Variants in RIPOR3 observed in about 807,000 individuals in gnomAD.
RIPOR3 encodes RIPOR family member 3, also known as family with sequence similarity 65 member C.
Under a neutral mutation model 114.3 loss-of-function variants are expected in RIPOR3, and 95 were observed. The ratio of observed to expected loss-of-function variants is 0.83; its 90% CI spans 0.70 to 0.99. The LOEUF (loss-of-function observed/expected upper bound fraction) is 0.99, where lower values mean the gene tolerates loss of function less well. RIPOR3 is among the 50% of genes least tolerant of loss of function. RIPOR3 has a pLI of 0.00. For synonymous variants in RIPOR3, 575 were observed against 543.8 expected, an observed-to-expected ratio of 1.06 and a Z score of -0.80; for missense variants, 1,252 against 1,266.9, an observed-to-expected ratio of 0.99 and a Z score of 0.18.
intron 1 of RIPOR3, among the ~76,000 whole-genome samples, chr20:50,652,079 A>G (rs2085631095): frequency 6.6e-6 from 1 of 152,210 alleles, no homozygotes; most frequent in Non-Finnish European, 1.5e-5. Context: ...CTGAGGAAGC[A>G]TTTGCATTTA....
chr20:50,624,329 A>T (rs971196653), intron 2 of RIPOR3, among the ~76,000 whole-genome samples: 1 of 151,916 alleles, frequency 6.6e-6, no homozygotes, highest in Non-Finnish European at 1.5e-5. Context: ...GAGGTTAGGG[A>T]CCCCGGCAGG....
intron 2 of RIPOR3, among the ~76,000 whole-genome samples, chr20:50,623,788 G>A (rs2084514681): frequency 6.6e-6 from 1 of 152,062 alleles, no homozygotes; most frequent in Non-Finnish European, 1.5e-5. Flanking sequence ...GCTCGCTAAG[G>A]GCTTTATAGA....
At chr20:50,630,106 T>C (rs1329049092) in intron 2 of RIPOR3, among the ~76,000 whole-genome samples, 2 of 152,172 alleles carry the variant, frequency 1.3e-5, no homozygotes, top group Non-Finnish European at 2.9e-5. Context: ...TAGCTGGGAT[T>C]ACAGGCATGT....
At chr20:50,613,381 AG>A (rs1238723292) in intron 4 of RIPOR3, among the ~76,000 whole-genome samples, 1 of 152,132 alleles carries the variant, frequency 6.6e-6, no homozygotes, top group Non-Finnish European at 1.5e-5. Context: ...TGAACCTGGG[AG>A]GCAGAGTTTG....
rs558861294 is a variant in RIPOR3, at chr20:50,626,692, C to T, written c.122+4046G>A. 1.1e-4 allele frequency among the ~76,000 whole-genome samples: 16 copies of T among 152,270 alleles called. No homozygotes were observed. In the South Asian group the frequency reaches 1.7e-3, roughly 16 times the overall value. ...GTTGTGAAATTTGTGGGGTCTAGTG[C>T]GAAATAAAAATGCAAGGCTCTTTAT... is the stretch of plus-strand genomic sequence containing the variant. On this transcript the variant is annotated intron_variant, in intron 2 of 21. Transcript: ENST00000327979.
chr20:50,587,324 C>T lies in RIPOR3; in HGVS notation c.2761G>A (p.Gly921Arg). The change falls in exon 22 of 22, where the codon GGA (glycine) becomes AGA (arginine). Residue 921 changes from glycine to arginine, a missense_variant. Coordinates refer to ENST00000327979, the MANE Select transcript of RIPOR3 (RefSeq NM_001290268.2). Reference sequence around the variant, plus strand: ...TCCATCTTCTCAAAAGCTAACCGTCCTTTTTCACCTGAAATAGCAAAGGGA... The same window carrying T: ...TCCATCTTCTCAAAAGCTAACCGTCTTTTTTCACCTGAAATAGCAAAGGGA... ...RETTLSFGEK[G>R]RLAFEKMDKL... 1 of 1,613,940 alleles carries T rather than the reference C, an allele frequency of 6.2e-7. No individual in the cohort carries two copies. The highest frequency in any genetic ancestry group is 8.5e-7 in the Non-Finnish European group (1 of 1,179,962).
chr20:50,609,744 G>C, intron 6 of RIPOR3, 22 bp from the exon 7 acceptor site: 1 of 1,358,858 alleles, frequency 7.4e-7, no homozygotes, highest in Non-Finnish European at 9.5e-7. Flanking sequence ...ACACGGGCTG[G>C]TGGCGCTGCC....
intron 1 of RIPOR3, among the ~76,000 whole-genome samples, chr20:50,688,127 T>TA (rs1324403507): frequency 2.0e-5 from 3 of 152,180 alleles, no homozygotes; most frequent in South Asian, 4.1e-4. Flanking sequence ...TTTTCCTTTC[T>TA]AAAAAATTTC....
intron 1 of RIPOR3, among the ~76,000 whole-genome samples, chr20:50,667,137 G>A (rs1324738993): frequency 6.6e-6 from 1 of 152,068 alleles, no homozygotes; most frequent in African/African-American, 2.4e-5. Flanking sequence ...ACCTTGGGAA[G>A]GGAACATTAA....
intron 1 of RIPOR3, among the ~76,000 whole-genome samples, chr20:50,674,519 C>A (rs2086624974): frequency 1.3e-5 from 2 of 150,626 alleles, no homozygotes; most frequent in Non-Finnish European, 3.0e-5. Flanking sequence ...CAGTGTTCCC[C>A]CAAAATTCAT....
At chr20:50,595,580 A>C (rs1248371378) in intron 15 of RIPOR3, 76 bp from the exon 16 acceptor site, 1 of 1,570,100 alleles carries the variant, frequency 6.4e-7, no homozygotes, top group East Asian at 2.3e-5. Flanking sequence ...TGTGGCTCCC[A>C]CCTGCTTGTG....
Position 50,691,301 on chromosome 20 carries a change from G to A in RIPOR3, c.-173C>T. 1 of 814,030 alleles carries A rather than the reference G, an allele frequency of 1.2e-6. No homozygotes were observed. The highest frequency in any genetic ancestry group is 1.7e-6 in the Non-Finnish European group (1 of 577,332). 50.4% of individuals were successfully genotyped at this position (814,030 alleles called of 1,614,324 possible). A position where few individuals can be genotyped will look rare whatever the true frequency, so the allele number is the denominator to read the frequency against. On this transcript the variant is annotated 5_prime_UTR_variant, in exon 1 of 22. Transcript: ENST00000327979. ...CACCAGCCGCTGGTCCCGCTCTCTG[G>A]GAAGATCGCCTTGAGGACCTGCTGC... is the stretch of plus-strand genomic sequence containing the variant.
rs2082947742 is a variant in RIPOR3 at position 50,587,225 on chromosome 20, G to A, written c.*7C>T. 2 of 1,611,522 alleles carry A rather than the reference G, an allele frequency of 1.2e-6. No homozygotes were observed. The highest frequency in any genetic ancestry group is 2.7e-5 in the African/African-American group (2 of 74,906). Reference sequence around the variant, plus strand: ...ATGTGAGATTTGTGCTCATCAGCCAGGATTTTTTAAAATATTGTGATTTCA... The same window carrying A: ...ATGTGAGATTTGTGCTCATCAGCCAAGATTTTTTAAAATATTGTGATTTCA... On this transcript the variant is annotated 3_prime_UTR_variant, in exon 22 of 22. Coordinates refer to ENST00000327979, the MANE Select transcript of RIPOR3 (RefSeq NM_001290268.2).
chr20:50,596,210 A>G lies in RIPOR3; in HGVS notation c.1844T>C (p.Leu615Pro), dbSNP rs76945848. ...PSSLKASSRELTAGAPELDVL... is the reference protein window; with the variant it reads ...PSSLKASSREPTAGAPELDVL... ...GTCCAGCTCTGGGGCACCGGCTGTG[A>G]GTTCCCTGGATGACGCTTTCAGTGA... Residue 615 changes from leucine to proline, a missense_variant, in exon 15 of 22, where the codon CTC becomes CCC. Coordinates refer to ENST00000327979, the MANE Select transcript of RIPOR3 (RefSeq NM_001290268.2). 6.2e-7 allele frequency: 1 copy of G among 1,614,054 alleles called. No individual in the cohort carries two copies. The highest frequency in any genetic ancestry group is 1.3e-5 in the African/African-American group (1 of 74,926).
chr20:50,655,254 G>A (rs762095552), intron 1 of RIPOR3, among the ~76,000 whole-genome samples: 6 of 152,216 alleles, frequency 3.9e-5, no homozygotes, highest in Non-Finnish European at 7.3e-5. Flanking sequence ...CTCCAGTTTA[G>A]ATTAAATAGT....
intron 2 of RIPOR3, among the ~76,000 whole-genome samples, chr20:50,626,532 G>A (rs754998824): frequency 5.3e-5 from 8 of 152,216 alleles, no homozygotes; most frequent in Non-Finnish European, 8.8e-5. Context: ...AGGGGCCAAC[G>A]AGAGGCAGAG....
At chr20:50,632,745 A>T (rs2084858731) in intron 1 of RIPOR3, among the ~76,000 whole-genome samples, 2 of 152,220 alleles carry the variant, frequency 1.3e-5, no homozygotes, top group Non-Finnish European at 1.5e-5. Flanking sequence ...TTGATGATCT[A>T]ATTCCATAGA....
At chr20:50,671,445 C>T (rs990141910) in intron 1 of RIPOR3, among the ~76,000 whole-genome samples, 13 of 149,678 alleles carry the variant, frequency 8.7e-5, no homozygotes, top group South Asian at 8.4e-4. Context: ...CACACACACA[C>T]ACACACACAC....
chr20:50,626,549 C>T lies in RIPOR3; in HGVS notation c.122+4189G>A, dbSNP rs560803196. Among the ~76,000 whole-genome samples, 170 of 152,306 alleles carry T rather than the reference C, an allele frequency of 1.1e-3. 5 individuals carry two copies. In the South Asian group the frequency reaches 0.031, roughly 28 times the overall value. On this transcript the variant is annotated intron_variant, in intron 2 of 21. Transcript: ENST00000327979. ...GGGCCAACGAGAGGCAGAGGCCTAC[C>T]GTGGGGGCACTCTCTGGGCAGAGCT...
Sources: allele counts gnomAD v4.1 joint callset (sites outside exome capture counted in the v4.1 genomes callset), GRCh38; gene constraint gnomAD v4.1.1; transcripts MANE v1.5; gene names NCBI Gene and HGNC (gene_info 2026-07-23, HGNC 2026-07-21).